Variants in GPD2 observed in about 807,000 individuals in gnomAD.
GPD2 encodes glycerol-3-phosphate dehydrogenase, mitochondrial.
GPD2 carries 54 observed loss-of-function variants against 82.4 expected under a neutral mutation model. The observed-to-expected ratio is 0.66, with a 90% confidence interval of 0.53 to 0.82. The LOEUF (loss-of-function observed/expected upper bound fraction) is 0.82, where lower values mean the gene tolerates loss of function less well. Ranked by LOEUF, GPD2 falls within the 40% of genes least tolerant of loss-of-function variation. The pLI is 0.00. For synonymous variants in GPD2, 288 were observed against 306.1 expected (o/e 0.94, Z 0.62); for missense variants, 748 against 896.2 (o/e 0.83, Z 2.11).
chr2:156,566,537 ATG>A (rs1229116815), intron 9 of GPD2, among the ~76,000 whole-genome samples: 1 of 152,144 alleles, frequency 6.6e-6, no homozygotes, highest in Non-Finnish European at 1.5e-5. Context: ...TCCATGTTGC[ATG>A]TGTCAGAATT....
chr2:156,540,032 C>A (rs1191456220), intron 6 of GPD2, among the ~76,000 whole-genome samples: 3 of 152,026 alleles, frequency 2.0e-5, no homozygotes, highest in Non-Finnish European at 4.4e-5. Flanking sequence ...AACAAAAAAT[C>A]TGGTTAACTT....
intron 1 of GPD2, among the ~76,000 whole-genome samples, chr2:156,437,549 G>A (rs540047883): frequency 2.6e-5 from 4 of 152,224 alleles, no homozygotes; most frequent in African/African-American, 7.2e-5. Context: ...TCTCACAGGG[G>A]CGTTATGTCA....
At chr2:156,471,437 T>C (rs298262) in intron 1 of GPD2, among the ~76,000 whole-genome samples, 138,447 of 152,238 alleles carry the variant, frequency 0.91, 64,079 homozygotes, top group South Asian at 1. Context: ...CAGGATATCA[T>C]AGAAATATTT....
intron 6 of GPD2, among the ~76,000 whole-genome samples, chr2:156,530,999 C>G (rs1685834277): frequency 6.6e-6 from 1 of 151,972 alleles, no homozygotes; most frequent in East Asian, 1.9e-4. Flanking sequence ...GTTTAAGACT[C>G]TATTTTCAAA....
At chr2:156,477,968 T>C (rs1014206285) in intron 2 of GPD2, among the ~76,000 whole-genome samples, 1 of 152,200 alleles carries the variant, frequency 6.6e-6, no homozygotes, top group Non-Finnish European at 1.5e-5. Context: ...ATGCCAAAGG[T>C]CACAATATCT....
At chr2:156,451,441 C>G (rs1274857484) in intron 1 of GPD2, among the ~76,000 whole-genome samples, 1 of 126,204 alleles carries the variant, frequency 7.9e-6, no homozygotes, top group Non-Finnish European at 1.7e-5. Flanking sequence ...ACCTCCCTCC[C>G]GGACGGGGCG....
At chr2:156,441,164 A>C (rs1682160845) in intron 1 of GPD2, among the ~76,000 whole-genome samples, 1 of 152,230 alleles carries the variant, frequency 6.6e-6, no homozygotes, top group African/African-American at 2.4e-5. Flanking sequence ...AGGCATGCCC[A>C]GAGAGGACAC....
At chr2:156,496,953 C>T (rs1165940360) in intron 3 of GPD2, among the ~76,000 whole-genome samples, 1 of 134,524 alleles carries the variant, frequency 7.4e-6, no homozygotes, top group Non-Finnish European at 1.8e-5. Context: ...AGTTCTGTCT[C>T]AGTCATTCTG....
In GPD2 at chr2:156,568,787, G is replaced by T. The variant is rs529770132; in HGVS notation, c.1166-38G>T. 1.9e-6 allele frequency: 3 copies of T among 1,582,798 alleles called. No homozygotes were observed. The South Asian group carries it at 3.3e-5, about 18-fold the overall frequency. On this transcript the variant is annotated intron_variant, in intron 9 of 16. Coordinates refer to ENST00000438166, the MANE Select transcript of GPD2 (RefSeq NM_000408.5). ...TTAATATTTTTATCAAAATATTTTT[G>T]AGCAATGTTCATAACCCTTGGCATT...
At chr2:156,485,496 G>T (rs772946723) in intron 2 of GPD2, among the ~76,000 whole-genome samples, 1 of 152,186 alleles carries the variant, frequency 6.6e-6, no homozygotes, top group Non-Finnish European at 1.5e-5. Flanking sequence ...ATTCTCTATT[G>T]TGTATGGACT....
intron 9 of GPD2, among the ~76,000 whole-genome samples, chr2:156,567,527 C>T (rs1170391808): frequency 1.3e-5 from 2 of 152,028 alleles, no homozygotes; most frequent in Non-Finnish European, 2.9e-5. Flanking sequence ...ACACATGACC[C>T]CAAGTCACAG....
At chr2:156,570,018 G>T in intron 11 of GPD2, 69 bp from the exon 12 acceptor site, 1 of 1,323,184 alleles carries the variant, frequency 7.6e-7, no homozygotes. Flanking sequence ...AAGCATGTGT[G>T]CTTTTTGCTT....
intron 1 of GPD2, among the ~76,000 whole-genome samples, chr2:156,475,432 G>A (rs960753902): frequency 6.6e-6 from 1 of 152,154 alleles, no homozygotes; most frequent in South Asian, 2.1e-4. Context: ...GGGTTCAGGC[G>A]ATTCTCCTGC....
chr2:156,585,183 C>T lies in GPD2; in HGVS notation c.*2265C>T, dbSNP rs1003226592. ...AGCACCCCAGCATTTTGTATAAGCTCTTAATTAAACCTGTACAGCTTCTTT... is the reference window on the plus strand; with the variant it reads ...AGCACCCCAGCATTTTGTATAAGCTTTTAATTAAACCTGTACAGCTTCTTT... On this transcript the variant is annotated 3_prime_UTR_variant, in exon 17 of 17. Transcript: ENST00000438166. The T allele has an allele frequency of 3.9e-5, 6 of 152,306 alleles. No homozygotes were observed. Among genetic ancestry groups the T allele is most frequent in the African/African-American group, 1.4e-4 (6 of 41,398 alleles). 9.4% of individuals were successfully genotyped at this position (152,306 alleles called of 1,614,324 possible). A position where few individuals can be genotyped will look rare whatever the true frequency, so the allele number is the denominator to read the frequency against.
intron 9 of GPD2, among the ~76,000 whole-genome samples, chr2:156,563,486 C>T (rs1019433323): frequency 6.6e-6 from 1 of 152,162 alleles, no homozygotes; most frequent in Non-Finnish European, 1.5e-5. Context: ...TTAATCTTGA[C>T]TGTAACCTGT....
intron 1 of GPD2, among the ~76,000 whole-genome samples, chr2:156,450,819 A>C (rs545591318): frequency 8.1e-6 from 1 of 123,018 alleles, no homozygotes; most frequent in African/African-American, 3.0e-5. Flanking sequence ...GGCCTTCCGC[A>C]GTGTTTGTGT....
chr2:156,491,919 C>G (rs915863588), intron 2 of GPD2, among the ~76,000 whole-genome samples: 1 of 150,978 alleles, frequency 6.6e-6, no homozygotes, highest in Non-Finnish European at 1.5e-5. Context: ...ACTCAGGAGG[C>G]TGAGGCAGGA....
intron 9 of GPD2, among the ~76,000 whole-genome samples, chr2:156,560,281 A>G (rs1160496981): frequency 1.5e-5 from 2 of 129,590 alleles, no homozygotes; most frequent in Non-Finnish European, 3.4e-5. Context: ...CTATAAATAC[A>G]TGGAAGACTT....
intron 2 of GPD2, among the ~76,000 whole-genome samples, chr2:156,478,959 G>A (rs1683621839): frequency 6.6e-6 from 1 of 152,206 alleles, no homozygotes; most frequent in South Asian, 2.1e-4. Flanking sequence ...ACATTTTGCT[G>A]TGTTCTTGCA....
Sources: gnomAD v4.1 joint callset for allele counts (sites outside exome capture counted in the v4.1 genomes callset) on GRCh38, gnomAD v4.1.1 for gene constraint, MANE v1.5 for transcripts, NCBI Gene and HGNC (gene_info 2026-07-23, HGNC 2026-07-21) for gene names.